Variants in ADIPOR2 observed in about 807,000 individuals in gnomAD.
ADIPOR2 encodes adiponectin receptor protein 2.
A neutral mutation model predicts 40.9 loss-of-function variants in ADIPOR2; 18 were observed. That is an observed-to-expected ratio of 0.44 (90% CI 0.30 to 0.65). The LOEUF (loss-of-function observed/expected upper bound fraction) is 0.65, where lower values mean the gene tolerates loss of function less well. ADIPOR2 is among the 30% of genes least tolerant of loss of function. The probability of loss-of-function intolerance (pLI) is 0.09; values close to 1 mark genes in which losing one functional copy is unlikely to be tolerated. For synonymous variants in ADIPOR2, 165 were observed against 166.4 expected, an observed-to-expected ratio of 0.99 and a Z score of 0.06; for missense variants, 283 against 479.2, an observed-to-expected ratio of 0.59 and a Z score of 3.82.
chr12:1,764,588 C>CACACACAT (rs1555170937), intron 2 of ADIPOR2, among the ~76,000 whole-genome samples: 5,318 of 139,986 alleles, frequency 0.038, 174 homozygotes, highest in African/African-American at 0.063. Context: ...CACACACACA[C>CACACACAT]ACGTAGATAT....
rs1862846084 is a variant in ADIPOR2 at position 1,786,753 on chromosome 12, CAT to C, written c.*683_*684del. ...CACCAAGATGCCTTCTAAAGGCTGACATACCTTGGACCCTAATGGGGCAGAGA... is the reference window on the plus strand; with the variant it reads ...CACCAAGATGCCTTCTAAAGGCTGACACCTTGGACCCTAATGGGGCAGAGA... On this transcript the variant is annotated 3_prime_UTR_variant, in exon 8 of 8. Coordinates refer to ENST00000357103, the MANE Select transcript of ADIPOR2 (RefSeq NM_024551.3). 6.6e-6 allele frequency: 1 copy of C among 152,606 alleles called. No individual in the cohort carries two copies. The highest frequency in any genetic ancestry group is 2.1e-4 in the South Asian group (1 of 4,820). The allele number at this position is 152,606 out of a possible 1,614,324, so 9.5% of individuals were successfully genotyped here. A position where few individuals can be genotyped will look rare whatever the true frequency, so the allele number is the denominator to read the frequency against.
chr12:1,775,465 G>C (rs1018212898), intron 3 of ADIPOR2, among the ~76,000 whole-genome samples: 1 of 152,094 alleles, frequency 6.6e-6, no homozygotes, highest in African/African-American at 2.4e-5. Flanking sequence ...AAATACCAGG[G>C]AAAATCACTC....
intron 1 of ADIPOR2, among the ~76,000 whole-genome samples, chr12:1,701,316 T>C (rs2094649822): frequency 6.6e-6 from 1 of 151,972 alleles, no homozygotes; most frequent in South Asian, 2.1e-4. Flanking sequence ...TTTGTAGAGA[T>C]TGGGTTTCGC....
chr12:1,743,025 A>T (rs2094746218), intron 1 of ADIPOR2, among the ~76,000 whole-genome samples: 1 of 152,262 alleles, frequency 6.6e-6, no homozygotes, highest in Non-Finnish European at 1.5e-5. Context: ...GGGAGAATAT[A>T]GCAGTCCTAG....
At position 1,722,648 on chromosome 12, in the gene ADIPOR2, G is replaced by T. The variant is rs528970105; in HGVS notation, c.-87+31457G>T. Among the ~76,000 whole-genome samples, 3 of 152,294 alleles carry T rather than the reference G, an allele frequency of 2.0e-5. No homozygotes were observed. The East Asian group carries it at 5.8e-4, about 29-fold the overall frequency. On this transcript the variant is annotated intron_variant, in intron 1 of 7. Transcript: ENST00000357103. ...AAATTTTCCTGTGAAAAGGGAAGCA[G>T]AAAAATGGTTGTGACCACAAGTAAG...
intron 1 of ADIPOR2, among the ~76,000 whole-genome samples, chr12:1,708,994 C>G (rs1426493346): frequency 1.3e-5 from 2 of 152,184 alleles, no homozygotes; most frequent in Non-Finnish European, 2.9e-5. Flanking sequence ...TGCTGGATTA[C>G]ATGTGTGAGC....
In ADIPOR2 at chr12:1,769,587, C is replaced by A. The variant is rs147964275; in HGVS notation, c.172-3255C>A. Among the ~76,000 whole-genome samples the A allele has an allele frequency of 6.1e-3, 932 of 152,342 alleles. 9 individuals carry two copies. Among genetic ancestry groups the A allele is most frequent in the African/African-American group, 0.021 (886 of 41,574 alleles). On this transcript the variant is annotated intron_variant, in intron 2 of 7. Transcript: ENST00000357103. ...TTGTTTGTTTCTCTTGTTGCCCAGGCTGGAGTGCAATGGCACGATCTCGGC... is the reference window on the plus strand; with the variant it reads ...TTGTTTGTTTCTCTTGTTGCCCAGGATGGAGTGCAATGGCACGATCTCGGC...
At chr12:1,775,103 T>C (rs1438012971) in intron 3 of ADIPOR2, among the ~76,000 whole-genome samples, 1 of 152,236 alleles carries the variant, frequency 6.6e-6, no homozygotes, top group Admixed American at 6.5e-5. Flanking sequence ...CCCATAGTGC[T>C]GGGATTACAG....
chr12:1,747,923 T>A (rs2094759298), intron 1 of ADIPOR2, among the ~76,000 whole-genome samples: 1 of 152,292 alleles, frequency 6.6e-6, no homozygotes, highest in Non-Finnish European at 1.5e-5. Flanking sequence ...TTCTCTGAGT[T>A]AAAATACATT....
In ADIPOR2 at chr12:1,748,092, A is replaced by G. The variant is rs377013052; in HGVS notation, c.-86-6166A>G. Among the ~76,000 whole-genome samples, 378 of 151,844 alleles carry G rather than the reference A, an allele frequency of 2.5e-3. 2 individuals are homozygous for G. Among genetic ancestry groups the G allele is most frequent in the African/African-American group, 8.5e-3 (352 of 41,398 alleles). On this transcript the variant is annotated intron_variant, in intron 1 of 7. Coordinates refer to ENST00000357103, the MANE Select transcript of ADIPOR2 (RefSeq NM_024551.3). ...TCCCACATAGCTCTAAGATTTTCCA[A>G]TTTACTGTTGAGCCCCCCCACCCTT...
intron 6 of ADIPOR2, among the ~76,000 whole-genome samples, chr12:1,782,547 C>T (rs1348877652): frequency 1.3e-5 from 2 of 152,086 alleles, no homozygotes. Flanking sequence ...CTATTACAGT[C>T]CTGAACACGT....
chr12:1,749,141 C>T (rs930006947), intron 1 of ADIPOR2, among the ~76,000 whole-genome samples: 6 of 152,302 alleles, frequency 3.9e-5, no homozygotes, highest in East Asian at 3.9e-4. Flanking sequence ...GATGAAGGGA[C>T]GTGCAGGGCT....
At chr12:1,755,102 A>C (rs1433189751) in intron 2 of ADIPOR2, among the ~76,000 whole-genome samples, 1 of 60,918 alleles carries the variant, frequency 1.6e-5, no homozygotes, top group Non-Finnish European at 5.7e-5. Flanking sequence ...AATTTCGGAG[A>C]CGGAGTCTTG....
intron 1 of ADIPOR2, among the ~76,000 whole-genome samples, chr12:1,698,371 A>C (rs1389864868): frequency 6.6e-6 from 1 of 152,148 alleles, no homozygotes; most frequent in Non-Finnish European, 1.5e-5. Context: ...CTGGGACTAT[A>C]GATGCACGCC....
chr12:1,709,863 T>C, intron 1 of ADIPOR2, among the ~76,000 whole-genome samples: 1 of 152,252 alleles, frequency 6.6e-6, no homozygotes, highest in African/African-American at 2.4e-5. Flanking sequence ...TAAGTATTTT[T>C]GTTTGTGTAT....
At chr12:1,708,912 G>T (rs200474488) in intron 1 of ADIPOR2, among the ~76,000 whole-genome samples, 1 of 151,940 alleles carries the variant, frequency 6.6e-6, no homozygotes, top group African/African-American at 2.4e-5. Context: ...TAGAGATGGG[G>T]TTTCACCATG....
chr12:1,784,719 A>G (rs1862793701), intron 7 of ADIPOR2, among the ~76,000 whole-genome samples: 1 of 152,150 alleles, frequency 6.6e-6, no homozygotes, highest in Admixed American at 6.5e-5. Flanking sequence ...AGAGAGGAGG[A>G]AAGAGAAGAG....
chr12:1,771,541 G>T (rs551103242), intron 2 of ADIPOR2, among the ~76,000 whole-genome samples: 3 of 152,258 alleles, frequency 2.0e-5, no homozygotes, highest in Admixed American at 6.5e-5. Flanking sequence ...AAACAAAGAT[G>T]GAGAGGTTAT....
chr12:1,695,354 TAAA>T (rs1203407503), intron 1 of ADIPOR2, among the ~76,000 whole-genome samples: 3 of 140,396 alleles, frequency 2.1e-5, no homozygotes, highest in Admixed American at 7.2e-5. Flanking sequence ...CTCTGTCTCT[TAAA>T]AAAAAAAAAA....
Sources: allele counts gnomAD v4.1 joint callset (sites outside exome capture counted in the v4.1 genomes callset), GRCh38; gene constraint gnomAD v4.1.1; transcripts MANE v1.5; gene names NCBI Gene and HGNC (gene_info 2026-07-23, HGNC 2026-07-21).